Variants in KLF12 observed in about 807,000 individuals in gnomAD.
KLF12 encodes Krueppel-like factor 12.
Under a neutral mutation model 37.8 loss-of-function variants are expected in KLF12, and 9 were observed. The observed-to-expected ratio is 0.24, with a 90% CI of 0.14 to 0.42. KLF12 has a LOEUF of 0.42. Among genes scored for constraint, KLF12 ranks in the 10% least tolerant of loss-of-function variants. KLF12 has a pLI of 1.00. For missense variants in KLF12, 411 were observed against 516.0 expected (o/e 0.80, Z 1.97); for synonymous variants, 208 against 202.1 (o/e 1.03, Z -0.25).
At chr13:74,262,223 A>T in the KLF12 span, among the ~76,000 whole-genome samples, 2 of 152,206 alleles carry the variant, frequency 1.3e-5, no homozygotes, top group African/African-American at 4.8e-5. Flanking sequence ...ATGAGAGGCA[A>T]TTAGAAGTGT....
In KLF12 at chr13:73,977,919, G is replaced by T. The variant is rs571496460; in HGVS notation, c.33+17071C>A. On this transcript the variant is annotated intron_variant, in intron 2 of 7. Transcript: ENST00000377669. ...TGCTGGAACAACTTGACATCCATGT[G>T]CAAAAAACTAAATCTAGCCACAGAG... 2.6e-5 allele frequency among the ~76,000 whole-genome samples: 4 copies of T among 152,266 alleles called. No homozygotes were observed. In the East Asian group the frequency reaches 5.8e-4, roughly 22 times the overall value.
intron 4 of KLF12, among the ~76,000 whole-genome samples, chr13:73,823,406 T>TAAA (rs1244583257): frequency 6.6e-6 from 1 of 152,170 alleles, no homozygotes; most frequent in East Asian, 1.9e-4. Context: ...GTTGAAAAGT[T>TAAA]AAAAAAGCAA....
chr13:74,087,443 C>G (rs1435092049), intron 1 of KLF12, among the ~76,000 whole-genome samples: 1 of 151,976 alleles, frequency 6.6e-6, no homozygotes, highest in African/African-American at 2.4e-5. Context: ...GAATCTTCTG[C>G]CAAAGCAATC....
At chr13:73,986,461 T>C (rs757289216) in intron 2 of KLF12, among the ~76,000 whole-genome samples, 3 of 152,206 alleles carry the variant, frequency 2.0e-5, no homozygotes, top group South Asian at 2.1e-4. Flanking sequence ...CCCAACCACA[T>C]GTTTATGACA....
At chr13:73,874,447 C>G (rs1399963408) in intron 3 of KLF12, among the ~76,000 whole-genome samples, 1 of 152,064 alleles carries the variant, frequency 6.6e-6, no homozygotes, top group Admixed American at 6.6e-5. Flanking sequence ...AGCCATAGAC[C>G]CATGTAAAGT....
intron 6 of KLF12, among the ~76,000 whole-genome samples, chr13:73,718,619 G>C (rs532783902): frequency 1.3e-5 from 2 of 152,302 alleles, no homozygotes; most frequent in East Asian, 3.9e-4. Flanking sequence ...TTAGCTGGAC[G>C]TGGTGGCTCA....
At position 73,721,859 on chromosome 13, in the gene KLF12, T is replaced by C. The variant is rs552557358; in HGVS notation, c.870-6334A>G. On this transcript the variant is annotated intron_variant, in intron 6 of 7. Coordinates refer to ENST00000377669, the MANE Select transcript of KLF12 (RefSeq NM_007249.5). Reference sequence around the variant, plus strand: ...AGACACTATGCCTACCCAGTACATATTTTCTTAAAGTTGTTATAAACTATG... The same window carrying C: ...AGACACTATGCCTACCCAGTACATACTTTCTTAAAGTTGTTATAAACTATG... Among the ~76,000 whole-genome samples the C allele has an allele frequency of 2.0e-5, 3 of 152,194 alleles. No individual in the cohort carries two copies. In the South Asian group the frequency reaches 6.2e-4, roughly 32 times the overall value.
At chr13:74,064,718 G>A (rs892988508) in intron 1 of KLF12, among the ~76,000 whole-genome samples, 1 of 152,200 alleles carries the variant, frequency 6.6e-6, no homozygotes, top group Admixed American at 6.5e-5. Context: ...GAAATAGGCT[G>A]AGTAGTTTGT....
intron 2 of KLF12, 121 bp downstream of exon 2, chr13:73,994,869 G>T (rs1886514): frequency 0.053 from 38,411 of 725,440 alleles, 1,497 homozygotes; most frequent in African/African-American, 0.15. Context: ...ATATGCACAT[G>T]TAAGTACTGA....
chr13:73,876,309 C>T (rs1886701481), intron 3 of KLF12, among the ~76,000 whole-genome samples: 1 of 152,158 alleles, frequency 6.6e-6, no homozygotes, highest in Non-Finnish European at 1.5e-5. Flanking sequence ...CTGTTTTCAG[C>T]TTTTAGTGGC....
intron 1 of KLF12, among the ~76,000 whole-genome samples, chr13:74,023,964 C>T (rs770614196): frequency 2.8e-4 from 43 of 152,162 alleles, no homozygotes; most frequent in Admixed American, 2.6e-3. Flanking sequence ...GAGATTCCAA[C>T]CCCTAACAGT....
At chr13:74,227,506 A>G in the KLF12 span, among the ~76,000 whole-genome samples, 1 of 152,148 alleles carries the variant, frequency 6.6e-6, no homozygotes, top group African/African-American at 2.4e-5. Flanking sequence ...AAAGTCACAT[A>G]TAATAACTTA....
chr13:74,166,692 A>G, the KLF12 span, among the ~76,000 whole-genome samples: 3 of 151,936 alleles, frequency 2.0e-5, no homozygotes, highest in Admixed American at 2.0e-4. Flanking sequence ...TTTCCCCCCT[A>G]CTTTTCTTTG....
chr13:73,691,032 T>C lies in KLF12; in HGVS notation c.*4458A>G, dbSNP rs567136923. On this transcript the variant is annotated 3_prime_UTR_variant, in exon 8 of 8. Transcript: ENST00000377669. The stretch of plus-strand genomic sequence containing the variant: ...AATTTTTATGTACATTTCTTAACTA[T>C]AAAATGCAGGCAGAGTCATATATAG... The C allele has an allele frequency of 6.5e-6, 1 of 152,778 alleles. No homozygotes were observed. The highest frequency in any genetic ancestry group is 2.1e-4 in the South Asian group (1 of 4,828). The allele number at this position is 152,778 out of a possible 1,614,324, so 9.5% of individuals were successfully genotyped here.
At chr13:73,928,605 T>C (rs1889518127) in intron 3 of KLF12, among the ~76,000 whole-genome samples, 1 of 152,216 alleles carries the variant, frequency 6.6e-6, no homozygotes, top group African/African-American at 2.4e-5. Flanking sequence ...AATCAATAGA[T>C]GGCATTATTT....
chr13:74,098,790 A>G (rs1876130870), intron 1 of KLF12, among the ~76,000 whole-genome samples: 2 of 152,210 alleles, frequency 1.3e-5, no homozygotes, highest in African/African-American at 4.8e-5. Context: ...TTTTTTAGAA[A>G]ATATTTTGCT....
At chr13:74,265,948 G>T in the KLF12 span, among the ~76,000 whole-genome samples, 1 of 152,216 alleles carries the variant, frequency 6.6e-6, no homozygotes, top group African/African-American at 2.4e-5. Flanking sequence ...TTCTATCGCA[G>T]CTCCATTCAA....
chr13:74,087,477 C>CAG (rs1288777745), intron 1 of KLF12, among the ~76,000 whole-genome samples: 2 of 152,058 alleles, frequency 1.3e-5, no homozygotes, highest in South Asian at 4.1e-4. Context: ...GAGTCAAGGA[C>CAG]AGCTGCACGA....
chr13:73,700,317 T>TA (rs1014207782), intron 7 of KLF12, among the ~76,000 whole-genome samples: 1 of 150,868 alleles, frequency 6.6e-6, no homozygotes, highest in Non-Finnish European at 1.5e-5. Context: ...AAAATAATAA[T>TA]AAAAAAATTT....
Sources: allele counts gnomAD v4.1 joint callset (sites outside exome capture counted in the v4.1 genomes callset), GRCh38; gene constraint gnomAD v4.1.1; transcripts MANE v1.5; gene names NCBI Gene and HGNC (gene_info 2026-07-23, HGNC 2026-07-21).